PTPRO: variants seen among roughly 807,000 people sequenced by gnomAD.
PTPRO encodes receptor-type tyrosine-protein phosphatase O.
PTPRO carries 62 observed loss-of-function variants against 145.2 expected under a neutral mutation model. The ratio of observed to expected loss-of-function variants is 0.43; its 90% CI spans 0.35 to 0.53. The LOEUF (loss-of-function observed/expected upper bound fraction) is 0.53, where lower values mean the gene tolerates loss of function less well. Ranked by LOEUF, PTPRO falls within the 20% of genes least tolerant of loss-of-function variation. The pLI is 0.01. For synonymous variants in PTPRO, 565 were observed against 514.7 expected, an observed-to-expected ratio of 1.10 and a Z score of -1.32; for missense variants, 1,345 against 1,482.7, an observed-to-expected ratio of 0.91 and a Z score of 1.53.
intron 1 of PTPRO, among the ~76,000 whole-genome samples, chr12:15,332,357 G>A (rs1866637706): frequency 6.6e-6 from 1 of 152,278 alleles, no homozygotes; most frequent in South Asian, 2.1e-4. Flanking sequence ...AGAATCAGGA[G>A]AATTTGCTTG....
At chr12:15,538,898 A>G (rs547729855) in intron 12 of PTPRO, among the ~76,000 whole-genome samples, 2 of 152,336 alleles carry the variant, frequency 1.3e-5, no homozygotes, top group Admixed American at 1.3e-4. Context: ...TCTGAATTCC[A>G]GCTTCCTATC....
At chr12:15,491,821 G>T (rs899812457) in intron 2 of PTPRO, among the ~76,000 whole-genome samples, 18 of 152,114 alleles carry the variant, frequency 1.2e-4, no homozygotes, top group African/African-American at 4.3e-4. Flanking sequence ...CTGTGCTCTG[G>T]GTCTGGAAAA....
At chr12:15,523,114 A>T (rs1471054294) in intron 10 of PTPRO, among the ~76,000 whole-genome samples, 1 of 152,214 alleles carries the variant, frequency 6.6e-6, no homozygotes, top group Non-Finnish European at 1.5e-5. Context: ...TATAAGTGCT[A>T]CTCGTATTTC....
At chr12:15,401,661 T>A (rs1242911915) in intron 1 of PTPRO, among the ~76,000 whole-genome samples, 1 of 152,180 alleles carries the variant, frequency 6.6e-6, no homozygotes, top group East Asian at 1.9e-4. Flanking sequence ...ATATTAAAAA[T>A]TGTTTATTCA....
intron 1 of PTPRO, among the ~76,000 whole-genome samples, chr12:15,347,725 G>A (rs978768742): frequency 3.9e-5 from 6 of 152,208 alleles, no homozygotes; most frequent in Non-Finnish European, 8.8e-5. Flanking sequence ...GTAGTTTTCT[G>A]TAGCCTTTAC....
chr12:15,342,055 C>T, intron 1 of PTPRO, among the ~76,000 whole-genome samples: 1 of 152,144 alleles, frequency 6.6e-6, no homozygotes, highest in Non-Finnish European at 1.5e-5. Context: ...GTTTTCTTTT[C>T]CACATTTATG....
At chr12:15,359,422 CTT>C (rs771782428) in intron 1 of PTPRO, among the ~76,000 whole-genome samples, 3 of 112,514 alleles carry the variant, frequency 2.7e-5, no homozygotes, top group Admixed American at 1.0e-4. Context: ...TTTCTCTTTC[CTT>C]TTTTTTTTTT....
intron 1 of PTPRO, among the ~76,000 whole-genome samples, chr12:15,324,956 A>C (rs558478083): frequency 6.6e-6 from 1 of 152,288 alleles, no homozygotes; most frequent in African/African-American, 2.4e-5. Context: ...ATTAAGTGCC[A>C]GTAAAACAGA....
chr12:15,499,697 AAG>A, intron 4 of PTPRO, 103 bp downstream of exon 4: 1 of 1,310,842 alleles, frequency 7.6e-7, no homozygotes, highest in Non-Finnish European at 1.1e-6. Context: ...AGAGCAAAGA[AAG>A]AAAATATATA....
At position 15,499,636 on chromosome 12, in the gene PTPRO, A is replaced by T. The variant is rs764834967; in HGVS notation, c.661+42A>T. ...ATCAAATACAGTGAAAAAATAATTC[A>T]GTTATATTTTGCTGTACATTTATTT... On this transcript the variant is annotated intron_variant, in intron 4 of 26. Transcript: ENST00000281171. The T allele has an allele frequency of 5.1e-6, 8 of 1,583,494 alleles. No individual in the cohort carries two copies. The Admixed American group carries it at 1.2e-4, about 23-fold the overall frequency.
Position 15,560,272 on chromosome 12 carries a change from C to T in PTPRO, c.2707C>T (p.Pro903Ser), listed in dbSNP as rs1183253422. The T allele has an allele frequency of 1.3e-6, 2 of 1,568,166 alleles. No homozygotes were observed. Among genetic ancestry groups the T allele is most frequent in the East Asian group, 2.2e-5 (1 of 44,508 alleles). Residue 903 changes from proline to serine, a missense_variant, in exon 17 of 27, where the codon CCT (proline) becomes TCT (serine). Coordinates refer to ENST00000281171, the MANE Select transcript of PTPRO (RefSeq NM_030667.3). ...TTATCTTTTGGCATTTTATATTAATCCTTGGTAAGTGATTTTTTTTTACTG... is the reference window on the plus strand; with the variant it reads ...TTATCTTTTGGCATTTTATATTAATTCTTGGTAAGTGATTTTTTTTTACTG... Reference protein sequence around the residue: ...TDYLLAFYINPWSKNGLKKRK... With the variant: ...TDYLLAFYINSWSKNGLKKRK...
intron 2 of PTPRO, among the ~76,000 whole-genome samples, chr12:15,490,158 C>T (rs1322325441): frequency 1.3e-5 from 2 of 152,122 alleles, no homozygotes; most frequent in African/African-American, 4.8e-5. Flanking sequence ...GCCAAGAGAT[C>T]CTGAATCCTG....
At chr12:15,588,958 A>G (rs1565448878) in intron 24 of PTPRO, among the ~76,000 whole-genome samples, 1 of 152,216 alleles carries the variant, frequency 6.6e-6, no homozygotes, top group Admixed American at 6.5e-5. Flanking sequence ...AGGAACACCA[A>G]CCACAACTCC....
rs73303703 is a variant in PTPRO at position 15,388,304 on chromosome 12, A to T, written c.75+65503A>T. On this transcript the variant is annotated intron_variant, in intron 1 of 26. Transcript: ENST00000281171. ...GTAAATTGCAGAATGATTATTGCAT[A>T]TAAATTTTATATACTTCTTTTAGAT... 4.4e-3 allele frequency among the ~76,000 whole-genome samples: 664 copies of T among 152,332 alleles called. 6 individuals carry two copies. Among genetic ancestry groups the T allele is most frequent in the African/African-American group, 0.015 (636 of 41,576 alleles).
At chr12:15,511,315 A>T (rs891032899) in intron 7 of PTPRO, among the ~76,000 whole-genome samples, 1 of 152,242 alleles carries the variant, frequency 6.6e-6, no homozygotes, top group Non-Finnish European at 1.5e-5. Context: ...AAGGAGGTCC[A>T]GGAGAAATAA....
chr12:15,587,007 A>C lies in PTPRO; in HGVS notation c.3366A>C (p.Arg1122=). The C allele has an allele frequency of 2.5e-6, 4 of 1,614,126 alleles. No homozygotes were observed. Among genetic ancestry groups the C allele is most frequent in the Non-Finnish European group, 3.4e-6 (4 of 1,179,994 alleles). ...ESILQFVHMV[R]QQATKSKGPM... The stretch of plus-strand genomic sequence containing the variant: ...TCCTGCAGTTTGTACACATGGTCCG[A>C]CAGCAAGCTACCAAGAGCAAAGGTC... Residue 1122 remains arginine (R), a synonymous_variant, in exon 24 of 27, where the codon CGA becomes CGC. Transcript: ENST00000281171.
intron 26 of PTPRO, chr12:15,595,265 G>A (rs1023331470): frequency 7.4e-6 from 4 of 538,758 alleles, no homozygotes; most frequent in Non-Finnish European, 1.4e-5. Context: ...CTTGGTTGGT[G>A]TTGGCAACAA....
chr12:15,444,477 A>G (rs1376882171), intron 1 of PTPRO, among the ~76,000 whole-genome samples: 1 of 152,090 alleles, frequency 6.6e-6, no homozygotes, highest in Non-Finnish European at 1.5e-5. Flanking sequence ...TGTACCCCCA[A>G]ATCAAAACTA....
intron 1 of PTPRO, among the ~76,000 whole-genome samples, chr12:15,429,101 G>C (rs1228711577): frequency 6.6e-6 from 1 of 152,142 alleles, no homozygotes; most frequent in Non-Finnish European, 1.5e-5. Flanking sequence ...ACAATGAAGA[G>C]TATTTGCCAC....
Sources: allele counts gnomAD v4.1 joint callset (sites outside exome capture counted in the v4.1 genomes callset), GRCh38; gene constraint gnomAD v4.1.1; transcripts MANE v1.5; gene names NCBI Gene and HGNC (gene_info 2026-07-23, HGNC 2026-07-21).